The following MELK variants were observed in gnomAD, a reference collection of about 807,000 sequenced individuals.
The protein encoded by MELK is pEg3 kinase.
A neutral mutation model predicts 85.0 loss-of-function variants in MELK; 81 were observed. The ratio of observed to expected loss-of-function variants is 0.95; its 90% CI spans 0.80 to 1.15. The LOEUF (loss-of-function observed/expected upper bound fraction) is 1.15, where lower values mean the gene tolerates loss of function less well. Among genes scored for constraint, MELK ranks in the 50% most tolerant of loss-of-function variants. The probability of loss-of-function intolerance (pLI) is 0.00; values close to 1 mark genes in which losing one functional copy is unlikely to be tolerated. For missense variants in MELK, 754 were observed against 777.5 expected (o/e 0.97, Z 0.36); for synonymous variants, 252 against 265.0 (o/e 0.95, Z 0.48).
intron 8 of MELK, among the ~76,000 whole-genome samples, chr9:36,625,578 G>T (rs578048914): frequency 8.5e-5 from 13 of 152,294 alleles, no homozygotes; most frequent in African/African-American, 2.9e-4. Context: ...GGCTGTAGAT[G>T]AAGCGTGGTA....
chr9:36,630,319 C>T lies in MELK; in HGVS notation c.687C>T (p.Pro229=). Residue 229 remains proline (P), a synonymous_variant, in exon 9 of 18, where the codon CCC becomes CCT. Coordinates refer to ENST00000298048, the MANE Select transcript of MELK (RefSeq NM_014791.4). ...KKIMRGKYDV[P]KWLSPSSILL... ...TGTAGAGAGGAAAATATGATGTTCC[C>T]AAGTGGCTCTCTCCCAGTAGCATTC... 1 of 1,611,102 alleles carries T rather than the reference C, an allele frequency of 6.2e-7. No individual in the cohort carries two copies. Among genetic ancestry groups the T allele is most frequent in the Non-Finnish European group, 8.5e-7 (1 of 1,178,130 alleles).
intron 8 of MELK, among the ~76,000 whole-genome samples, chr9:36,609,624 A>T (rs566304134): frequency 5.9e-5 from 9 of 151,684 alleles, no homozygotes; most frequent in East Asian, 1.9e-4. Flanking sequence ...AATTAAAAAA[A>T]TTTTTTTGTA....
chr9:36,598,080 C>A (rs1824482335), intron 6 of MELK, among the ~76,000 whole-genome samples: 1 of 152,174 alleles, frequency 6.6e-6, no homozygotes. Context: ...CAGATTTTGC[C>A]CCTTTGGCAG....
chr9:36,582,966 A>G (rs1241368257), intron 2 of MELK, among the ~76,000 whole-genome samples: 1 of 150,610 alleles, frequency 6.6e-6, no homozygotes, highest in African/African-American at 2.4e-5. Flanking sequence ...ATAATTGCTT[A>G]TCTTCAAAGT....
chr9:36,602,326 A>T (rs1407308091), intron 7 of MELK, among the ~76,000 whole-genome samples: 1 of 151,724 alleles, frequency 6.6e-6, no homozygotes, highest in African/African-American at 2.4e-5. Context: ...CCCTGTCTCT[A>T]TTAAAAATAT....
At chr9:36,576,688 C>T (rs577146566) in intron 1 of MELK, among the ~76,000 whole-genome samples, 61 of 152,166 alleles carry the variant, frequency 4.0e-4, no homozygotes, top group African/African-American at 1.3e-3. Flanking sequence ...TGCATCACCA[C>T]GCCCGGCTAA....
chr9:36,613,974 C>G (rs1217560729), intron 8 of MELK, among the ~76,000 whole-genome samples: 1 of 151,992 alleles, frequency 6.6e-6, no homozygotes, highest in Non-Finnish European at 1.5e-5. Context: ...ATCACACTGG[C>G]TGCTATGTGG....
chr9:36,657,526 T>C (rs1428303697), intron 13 of MELK, among the ~76,000 whole-genome samples, 163 bp downstream of exon 13: 1 of 152,222 alleles, frequency 6.6e-6, no homozygotes, highest in African/African-American at 2.4e-5. Flanking sequence ...GGAAGTCAAT[T>C]ATATCCAAGT....
At chr9:36,658,433 AT>A (rs1488017500) in intron 13 of MELK, among the ~76,000 whole-genome samples, 3 of 152,076 alleles carry the variant, frequency 2.0e-5, no homozygotes, top group East Asian at 3.9e-4. Flanking sequence ...CCTCTAGTGA[AT>A]TTTTTGTTAT....
At chr9:36,645,014 A>T (rs942513588) in intron 11 of MELK, among the ~76,000 whole-genome samples, 1 of 152,122 alleles carries the variant, frequency 6.6e-6, no homozygotes, top group East Asian at 1.9e-4. Flanking sequence ...CATGCCTGTA[A>T]TGTCAGCACT....
intron 10 of MELK, among the ~76,000 whole-genome samples, chr9:36,642,423 T>C (rs1829842117): frequency 7.8e-6 from 1 of 128,310 alleles, no homozygotes. Context: ...CAGAACTTTT[T>C]TTTTTTTTTT....
At chr9:36,658,843 A>G (rs187444219) in intron 13 of MELK, among the ~76,000 whole-genome samples, 4,343 of 149,834 alleles carry the variant, frequency 0.029, 216 homozygotes, top group African/African-American at 0.1. Context: ...CTGGGATTAC[A>G]GGCACCCGCC....
chr9:36,631,427 G>A (rs549742457), intron 9 of MELK, among the ~76,000 whole-genome samples: 2 of 152,078 alleles, frequency 1.3e-5, no homozygotes, highest in South Asian at 4.2e-4. Context: ...CACCATTCCT[G>A]GCCAATTTTT....
Position 36,594,749 on chromosome 9 carries a change from A to C in MELK, c.383A>C (p.Tyr128Ser). Residue 128 changes from tyrosine to serine, a missense_variant, in exon 5 of 18, where the codon TAT becomes TCT. Physicochemically the swap from Tyr to Ser is moderately radical, Grantham distance 144. Transcript: ENST00000298048. ...GTTGCTTATGTGCACAGCCAGGGCT[A>C]TGCTCACAGGGACCTCAAGCCAGTA... ...SAVAYVHSQG[Y>S]AHRDLKPENL... 3 of 1,613,954 alleles carry C rather than the reference A, an allele frequency of 1.9e-6. No homozygotes were observed. Among genetic ancestry groups the C allele is most frequent in the Non-Finnish European group, 2.5e-6 (3 of 1,179,976 alleles).
chr9:36,633,655 A>G (rs933094093), intron 10 of MELK, among the ~76,000 whole-genome samples: 3 of 152,236 alleles, frequency 2.0e-5, no homozygotes, highest in Non-Finnish European at 4.4e-5. Flanking sequence ...AAAAACTAAT[A>G]TGATAAAACT....
chr9:36,667,246 C>T (rs1832469526), intron 14 of MELK, among the ~76,000 whole-genome samples: 1 of 151,720 alleles, frequency 6.6e-6, no homozygotes, highest in Non-Finnish European at 1.5e-5. Flanking sequence ...ACCTCTGCCT[C>T]CTGGGTTCAA....
intron 14 of MELK, among the ~76,000 whole-genome samples, chr9:36,668,271 T>C (rs1832569233): frequency 6.6e-6 from 1 of 152,206 alleles, no homozygotes; most frequent in Non-Finnish European, 1.5e-5. Context: ...AAAGTGAGAA[T>C]GTAGCCAAAT....
At chr9:36,665,278 G>T in intron 13 of MELK, 72 bp from the exon 14 acceptor site, 1 of 886,744 alleles carries the variant, frequency 1.1e-6, no homozygotes, top group South Asian at 1.7e-5. Context: ...GTTTGCAAAT[G>T]ATCAAGGAAT....
chr9:36,578,505 C>T (rs535488141), intron 1 of MELK, among the ~76,000 whole-genome samples: 2 of 152,260 alleles, frequency 1.3e-5, no homozygotes, highest in African/African-American at 2.4e-5. Flanking sequence ...GCAAGAGAAA[C>T]CATACTCTTG....
Sources: gnomAD v4.1 joint callset for allele counts (sites outside exome capture counted in the v4.1 genomes callset) on GRCh38, gnomAD v4.1.1 for gene constraint, MANE v1.5 for transcripts, NCBI Gene and HGNC (gene_info 2026-07-23, HGNC 2026-07-21) for gene names.